The following KHDRBS2 variants were observed in gnomAD, a reference collection of about 807,000 sequenced individuals.
KHDRBS2 encodes the protein KH domain-containing, RNA-binding, signal transduction-associated protein 2.
A neutral mutation model predicts 44.3 loss-of-function variants in KHDRBS2; 26 were observed. The ratio of observed to expected loss-of-function variants is 0.59; its 90% CI spans 0.43 to 0.81. KHDRBS2 has a LOEUF of 0.81. Ranked by LOEUF, KHDRBS2 falls within the 40% of genes least tolerant of loss-of-function variation. The pLI is 0.00. For missense variants in KHDRBS2, 476 were observed against 433.1 expected (o/e 1.10, Z -0.88); for synonymous variants, 194 against 151.1 (o/e 1.28, Z -2.08).
At chr6:61,741,952 G>C (rs1323158758) in intron 6 of KHDRBS2, among the ~76,000 whole-genome samples, 8 of 151,814 alleles carry the variant, frequency 5.3e-5, no homozygotes, top group African/African-American at 1.9e-4. Context: ...TCTATAAAAG[G>C]TCAGCAGGCA....
intron 2 of KHDRBS2, among the ~76,000 whole-genome samples, chr6:62,138,371 A>G (rs147323387): frequency 9.2e-4 from 140 of 152,336 alleles, no homozygotes; most frequent in African/African-American, 3.1e-3. Flanking sequence ...CAATATTGTT[A>G]AGAGCCATTG....
In KHDRBS2 at chr6:62,253,370, A is replaced by C. The variant is rs555952328; in HGVS notation, c.91+32488T>G. On this transcript the variant is annotated intron_variant, in intron 1 of 8. Coordinates refer to ENST00000281156, the MANE Select transcript of KHDRBS2 (RefSeq NM_152688.4). ...CTGTCCTCTATATGGTCCTCCCCTG[A>C]AAAGGGCTAGTTGAGCCAAAGCTGG... is the stretch of plus-strand genomic sequence containing the variant. Among the ~76,000 whole-genome samples, 4 of 152,110 alleles carry C rather than the reference A, an allele frequency of 2.6e-5. 1 individual carries two copies. The South Asian group carries it at 8.3e-4, about 32-fold the overall frequency.
chr6:62,102,234 T>A (rs1261682317), intron 2 of KHDRBS2, among the ~76,000 whole-genome samples: 1 of 152,178 alleles, frequency 6.6e-6, no homozygotes, highest in African/African-American at 2.4e-5. Flanking sequence ...GATAGTTGAG[T>A]TGTTAACGCA....
At position 61,759,864 on chromosome 6, in the gene KHDRBS2, G is replaced by C. The variant is rs111545176; in HGVS notation, c.811-27100C>G. Among the ~76,000 whole-genome samples, 430 of 152,234 alleles carry C rather than the reference G, an allele frequency of 2.8e-3. 5 individuals are homozygous for C. The highest frequency in any genetic ancestry group is 1.0e-2 in the African/African-American group (415 of 41,532). ...TGTGTGAAAAGGATTGTTTCTTTCA[G>C]CTTTAATTAACTTTTGTCTTTGCCC... On this transcript the variant is annotated intron_variant, in intron 6 of 8. Coordinates refer to ENST00000281156, the MANE Select transcript of KHDRBS2 (RefSeq NM_152688.4).
intron 6 of KHDRBS2, among the ~76,000 whole-genome samples, chr6:61,803,224 A>G (rs1786568542): frequency 6.6e-6 from 1 of 152,156 alleles, no homozygotes; most frequent in African/African-American, 2.4e-5. Flanking sequence ...TTTCAGACTC[A>G]AAGACACAAT....
At chr6:61,638,242 C>T in the KHDRBS2 span, among the ~76,000 whole-genome samples, 1 of 152,028 alleles carries the variant, frequency 6.6e-6, no homozygotes, top group African/African-American at 2.4e-5. Flanking sequence ...CATCACACTA[C>T]CTGACTTCAA....
intron 2 of KHDRBS2, among the ~76,000 whole-genome samples, chr6:62,050,016 G>A (rs1434852755): frequency 9.9e-5 from 15 of 151,866 alleles, no homozygotes; most frequent in East Asian, 5.8e-4. Context: ...CACTATTTAC[G>A]ATAGCAAAGA....
At chr6:62,285,718 G>A (rs1264982677) in intron 1 of KHDRBS2, 140 bp downstream of exon 1, 13 of 611,646 alleles carry the variant, frequency 2.1e-5, no homozygotes, top group Non-Finnish European at 3.2e-5. Context: ...GTCCGCCCGA[G>A]CTCTAAGGCG....
intron 2 of KHDRBS2, among the ~76,000 whole-genome samples, chr6:62,101,054 C>A (rs955795570): frequency 2.6e-5 from 4 of 152,132 alleles, no homozygotes; most frequent in African/African-American, 9.7e-5. Context: ...CTCTTTTTTA[C>A]AGCAAGACAA....
intron 1 of KHDRBS2, among the ~76,000 whole-genome samples, chr6:62,280,427 G>A (rs1336281799): frequency 6.6e-6 from 1 of 152,142 alleles, no homozygotes; most frequent in Non-Finnish European, 1.5e-5. Context: ...AAGGAAGATG[G>A]AAAGAAATCA....
At position 61,978,148 on chromosome 6, in the gene KHDRBS2, A is replaced by C; in HGVS notation, c.401T>G (p.Leu134Ter). 6.2e-7 allele frequency: 1 copy of C among 1,612,000 alleles called. No individual in the cohort carries two copies. The highest frequency in any genetic ancestry group is 1.1e-5 in the South Asian group (1 of 90,886). The change falls in exon 4 of 9, where the codon TTA (leucine) becomes TGA (stop). Residue 134 changes from leucine to a stop codon, truncating the protein, a stop_gained. Coordinates refer to ENST00000281156, the MANE Select transcript of KHDRBS2 (RefSeq NM_152688.4). LOFTEE classifies it high-confidence loss of function. ...CCCAGGTGGAGCAAACACTTCAATT[A>C]ATACATGAAGCTCATCACTCAAGTG... ...YAHLSDELHV[L>*]IEVFAPPGEA...
intron 3 of KHDRBS2, among the ~76,000 whole-genome samples, chr6:61,997,370 A>G (rs575539120): frequency 6.6e-6 from 1 of 152,262 alleles, no homozygotes; most frequent in East Asian, 1.9e-4. Flanking sequence ...GTCAATGGAG[A>G]CCTCTAGGAT....
At chr6:61,992,602 TG>T (rs1776339387) in intron 3 of KHDRBS2, among the ~76,000 whole-genome samples, 3 of 152,174 alleles carry the variant, frequency 2.0e-5, no homozygotes, top group Admixed American at 2.0e-4. Flanking sequence ...GATGTGTGTG[TG>T]TGTGTGTTTG....
At chr6:61,839,213 A>C (rs571514061) in intron 6 of KHDRBS2, among the ~76,000 whole-genome samples, 1 of 152,226 alleles carries the variant, frequency 6.6e-6, no homozygotes, top group East Asian at 1.9e-4. Context: ...ATCTCATTGC[A>C]ATATCTACTT....
At chr6:61,681,927 G>C (rs1411767621) in intron 8 of KHDRBS2, among the ~76,000 whole-genome samples, 1 of 151,876 alleles carries the variant, frequency 6.6e-6, no homozygotes. Context: ...CCAGCAACTA[G>C]GTTATTTTGG....
At chr6:61,887,376 T>A (rs1009453050) in intron 6 of KHDRBS2, among the ~76,000 whole-genome samples, 2 of 152,282 alleles carry the variant, frequency 1.3e-5, no homozygotes, top group Admixed American at 1.3e-4. Flanking sequence ...ATTTTCCAAA[T>A]CTACTTCAAT....
intron 6 of KHDRBS2, among the ~76,000 whole-genome samples, chr6:61,805,641 T>G (rs1183296535): frequency 2.0e-5 from 3 of 152,118 alleles, no homozygotes; most frequent in Admixed American, 2.0e-4. Flanking sequence ...CTCAGGAAAT[T>G]TATAATCATG....
At position 61,894,815 on chromosome 6, in the gene KHDRBS2, A is replaced by C; in HGVS notation, c.630T>G (p.Ile210Met). ...CTCGTCCAGGTGGTGGGGGAGGAGG[A>C]ATGGCACCCCCACGGCCCCTAAGAG... ...TAPSRGRGGA[I>M]PPPPPPGRGV... is the part of the protein sequence containing the mutation. The change falls in exon 6 of 9, where the codon ATT becomes ATG. Residue 210 changes from isoleucine (I) to methionine (M), a missense_variant. Physicochemically the swap from Ile to Met is conservative, Grantham distance 10 (BLOSUM62 1). Transcript: ENST00000281156. 1 of 1,612,092 alleles carries C rather than the reference A, an allele frequency of 6.2e-7. No homozygotes were observed. The highest frequency in any genetic ancestry group is 2.2e-5 in the East Asian group (1 of 44,802).
chr6:62,016,434 A>T (rs1195772604), intron 3 of KHDRBS2, among the ~76,000 whole-genome samples: 1 of 151,658 alleles, frequency 6.6e-6, no homozygotes, highest in African/African-American at 2.4e-5. Flanking sequence ...AAAGTTTAGT[A>T]AAATATTTGG....
Sources: allele counts gnomAD v4.1 joint callset (sites outside exome capture counted in the v4.1 genomes callset), GRCh38; gene constraint gnomAD v4.1.1; transcripts MANE v1.5; gene names NCBI Gene and HGNC (gene_info 2026-07-23, HGNC 2026-07-21).